Variants in ICAM2 observed in about 807,000 individuals in gnomAD.
ICAM2 encodes the protein ICAM-2.
A neutral mutation model predicts 19.1 loss-of-function variants in ICAM2; 14 were observed. The observed-to-expected ratio is 0.73, with a 90% CI of 0.48 to 1.15. The LOEUF (loss-of-function observed/expected upper bound fraction) is 1.15. ICAM2 is among the 50% of genes most tolerant of loss of function. ICAM2 has a pLI of 0.00. For missense variants in ICAM2, 311 were observed against 355.4 expected, an observed-to-expected ratio of 0.88 and a Z score of 1.00; for synonymous variants, 153 against 152.7, an observed-to-expected ratio of 1.00 and a Z score of -0.01.
intron 3 of ICAM2, 92 bp downstream of exon 3, chr17:64,005,015 C>T (rs771751504): frequency 6.9e-7 from 1 of 1,451,630 alleles, no homozygotes; most frequent in East Asian, 2.3e-5. Context: ...GATGACAGTG[C>T]CCAGGAGCAG....
intron 1 of ICAM2, among the ~76,000 whole-genome samples, chr17:64,019,232 A>G (rs1383200278): frequency 6.6e-6 from 1 of 152,202 alleles, no homozygotes; most frequent in Non-Finnish European, 1.5e-5. Flanking sequence ...AAAAATAAAT[A>G]GGCATAGCCA....
intron 2 of ICAM2, among the ~76,000 whole-genome samples, chr17:64,005,609 C>T (rs555111805): frequency 3.9e-5 from 6 of 152,280 alleles, no homozygotes; most frequent in African/African-American, 1.4e-4. Flanking sequence ...AGCTGACACC[C>T]TGCCTCTGGC....
At chr17:64,014,509 GAGAGAGAGAGAAAGAAAGAA>G (rs1911608518) in intron 1 of ICAM2, among the ~76,000 whole-genome samples, 1 of 131,272 alleles carries the variant, frequency 7.6e-6, no homozygotes, top group South Asian at 2.4e-4. Flanking sequence ...GGAAGGAAGG[GAGAGAGAGAGAAAGAAAGAA>G]AGAGAGAGAG....
At chr17:64,015,844 G>A (rs1911700616) in intron 1 of ICAM2, among the ~76,000 whole-genome samples, 1 of 141,128 alleles carries the variant, frequency 7.1e-6, no homozygotes, top group Non-Finnish European at 1.6e-5. Context: ...TTCAAGTAAG[G>A]GTAACTCTTT....
intron 4 of ICAM2, 122 bp downstream of exon 4, chr17:64,003,522 G>T (rs1390082213): frequency 1.2e-6 from 1 of 861,046 alleles, no homozygotes; most frequent in East Asian, 2.5e-5. Context: ...TAAGAGGGAA[G>T]CCTCAGGATG....
intron 1 of ICAM2, among the ~76,000 whole-genome samples, chr17:64,014,351 G>GAAAA (rs1567849253): frequency 1.4e-4 from 7 of 50,546 alleles, no homozygotes; most frequent in African/African-American, 4.5e-4. Context: ...AAGAAAGAAA[G>GAAAA]AAAGAAAGAA....
chr17:64,005,127 T>C lies in ICAM2; in HGVS notation c.308A>G (p.Asn103Ser). The C allele has an allele frequency of 6.2e-7, 1 of 1,614,110 alleles. No homozygotes were observed. Among genetic ancestry groups the C allele is most frequent in the Non-Finnish European group, 8.5e-7 (1 of 1,180,008 alleles). Residue 103 changes from asparagine (N) to serine (S), a missense_variant, in exon 3 of 5, where the codon AAT becomes AGT. Transcript: ENST00000579788. ...FTCSGKQESMNSNVSVYQPPR... is the reference protein window; with the variant it reads ...FTCSGKQESMSSNVSVYQPPR... ...CTCACGGTACACGCTGACGTTGGAA[T>C]TCATTGACTCCTGCTTCCCGGAGCA...
intron 1 of ICAM2, among the ~76,000 whole-genome samples, chr17:64,012,855 A>G (rs28539623): frequency 0.043 from 6,598 of 152,260 alleles, 495 homozygotes; most frequent in African/African-American, 0.15. Flanking sequence ...TCTGAAACCA[A>G]TCCCTCCATG....
intron 1 of ICAM2, among the ~76,000 whole-genome samples, chr17:64,010,679 A>G (rs1311551424): frequency 6.6e-6 from 1 of 152,252 alleles, no homozygotes; most frequent in Non-Finnish European, 1.5e-5. Context: ...CAGTAAGAAG[A>G]AAAAATGATT....
intron 1 of ICAM2, among the ~76,000 whole-genome samples, chr17:64,019,042 C>A (rs1911837506): frequency 6.6e-6 from 1 of 152,020 alleles, no homozygotes; most frequent in Non-Finnish European, 1.5e-5. Flanking sequence ...ATCTGTGTGA[C>A]CTTGAGCAAA....
rs934710885 is a variant in ICAM2 at position 64,013,053 on chromosome 17, T to C, written c.-44-6318A>G. ...GAAAGCTGAGTGTGGTGGCTTATGC[T>C]GGTAATCCCAGCACTTTGGGAGGCT... On this transcript the variant is annotated intron_variant, in intron 1 of 4. Transcript: ENST00000579788. Among the ~76,000 whole-genome samples the C allele has an allele frequency of 2.6e-5, 4 of 152,108 alleles. 1 individual carries two copies. Among genetic ancestry groups the C allele is most frequent in the African/African-American group, 9.7e-5 (4 of 41,416 alleles).
At chr17:64,010,212 G>A (rs1367976440) in intron 1 of ICAM2, among the ~76,000 whole-genome samples, 1 of 152,164 alleles carries the variant, frequency 6.6e-6, no homozygotes, top group Non-Finnish European at 1.5e-5. Flanking sequence ...GCACAGCAGT[G>A]GGCCTACACA....
At chr17:64,015,988 C>G (rs1323860294) in intron 1 of ICAM2, among the ~76,000 whole-genome samples, 1 of 152,088 alleles carries the variant, frequency 6.6e-6, no homozygotes, top group Non-Finnish European at 1.5e-5. Context: ...GCATACAGCA[C>G]TGTGCCTGGT....
intron 1 of ICAM2, among the ~76,000 whole-genome samples, chr17:64,015,650 G>T (rs991659119): frequency 2.6e-5 from 4 of 152,120 alleles, no homozygotes; most frequent in Admixed American, 1.3e-4. Context: ...GGAGTTAGGG[G>T]GATGGCTTGA....
chr17:64,016,398 A>C (rs1176048285), intron 1 of ICAM2, among the ~76,000 whole-genome samples: 1 of 152,096 alleles, frequency 6.6e-6, no homozygotes, highest in Non-Finnish European at 1.5e-5. Flanking sequence ...ACTCCCTTTT[A>C]AGCTGCCAGT....
intron 1 of ICAM2, among the ~76,000 whole-genome samples, chr17:64,017,658 G>A (rs981268069): frequency 1.3e-5 from 2 of 152,208 alleles, no homozygotes; most frequent in Non-Finnish European, 2.9e-5. Flanking sequence ...AATAAGGTGA[G>A]GGATTTGCTC....
intron 1 of ICAM2, among the ~76,000 whole-genome samples, chr17:64,012,400 C>T (rs1190104894): frequency 6.6e-6 from 1 of 152,080 alleles, no homozygotes; most frequent in African/African-American, 2.4e-5. Flanking sequence ...GAGTTCGAGA[C>T]CAGCCTGGAC....
At chr17:64,017,473 A>G (rs1008332643) in intron 1 of ICAM2, among the ~76,000 whole-genome samples, 1 of 152,216 alleles carries the variant, frequency 6.6e-6, no homozygotes, top group Non-Finnish European at 1.5e-5. Context: ...TGGAGAGATA[A>G]CACATGTTCA....
chr17:64,007,484 A>T (rs1911266943), intron 1 of ICAM2, among the ~76,000 whole-genome samples: 1 of 151,074 alleles, frequency 6.6e-6, no homozygotes, highest in Admixed American at 6.6e-5. Context: ...CTGGTCTTGA[A>T]CTCCTGACCT....
Sources: allele counts gnomAD v4.1 joint callset (sites outside exome capture counted in the v4.1 genomes callset), GRCh38; gene constraint gnomAD v4.1.1; transcripts MANE v1.5; gene names NCBI Gene and HGNC (gene_info 2026-07-23, HGNC 2026-07-21).